Variants in CMIP observed in about 807,000 individuals in gnomAD.
CMIP encodes c-Maf inducing protein.
In CMIP, 13 loss-of-function variants were observed where a neutral mutation model predicts 97.3. The observed-to-expected ratio is 0.13, with a 90% CI of 0.09 to 0.21. CMIP has a LOEUF of 0.21. Ranked by LOEUF, CMIP falls within the 10% of genes least tolerant of loss-of-function variation. The probability of loss-of-function intolerance (pLI) is 1.00; values close to 1 mark genes in which losing one functional copy is unlikely to be tolerated. For missense variants in CMIP, 847 were observed against 1,024.9 expected (o/e 0.83, Z 2.37); for synonymous variants, 538 against 436.3 (o/e 1.23, Z -2.91).
At position 81,621,217 on chromosome 16, in the gene CMIP, C is replaced by A; in HGVS notation, c.477+291C>A. 1 of 278,444 alleles carries A rather than the reference C, an allele frequency of 3.6e-6. No homozygotes were observed. Among genetic ancestry groups the A allele is most frequent in the Admixed American group, 4.7e-5 (1 of 21,128 alleles). The allele number at this position is 278,444 out of a possible 1,614,324, so 17.2% of individuals were successfully genotyped here. On this transcript the variant is annotated intron_variant, in intron 3 of 20. Coordinates refer to ENST00000537098, the MANE Select transcript of CMIP (RefSeq NM_198390.3). The surrounding 1 kb of genome is among the most constrained non-coding windows in gnomAD (Gnocchi z 4.1). ...TGCTTGCTCTCAGAGTGAGGGCGAC[C>A]CTGAGGGGAGTCCAGCCGGGGAGGC...
rs558003345 is a variant in CMIP, at chr16:81,478,113, T to TC, written c.300+32579dup. Among the ~76,000 whole-genome samples the TC allele has an allele frequency of 6.8e-4, 103 of 152,004 alleles. 1 individual carries two copies. Among genetic ancestry groups the TC allele is most frequent in the East Asian group, 2.9e-3 (15 of 5,176 alleles). On this transcript the variant is annotated intron_variant, in intron 1 of 20. Transcript: ENST00000537098. ...CGCTAGCCATCTCTGCCACTGCCCT[T>TC]CCCCCCCACCCCAGAAAGTATCCCA...
At chr16:81,663,833 C>G (rs543739802) in intron 6 of CMIP, among the ~76,000 whole-genome samples, 125 of 152,238 alleles carry the variant, frequency 8.2e-4, no homozygotes, top group South Asian at 4.4e-3. Context: ...CCAGGGAGTC[C>G]TCTGTGTGTG....
intron 1 of CMIP, among the ~76,000 whole-genome samples, chr16:81,478,393 C>T (rs866804221): frequency 6.6e-4 from 100 of 152,248 alleles, no homozygotes; most frequent in African/African-American, 2.3e-3. Context: ...GAGATTTTGG[C>T]GTCCTGTATG....
chr16:81,570,476 A>C (rs1232745854), intron 1 of CMIP, among the ~76,000 whole-genome samples: 1 of 152,116 alleles, frequency 6.6e-6, no homozygotes, highest in Non-Finnish European at 1.5e-5. Flanking sequence ...TTTAGTCTAT[A>C]AAATGTGCTA....
intron 3 of CMIP, among the ~76,000 whole-genome samples, chr16:81,645,153 G>A (rs1415923735): frequency 6.6e-6 from 1 of 152,262 alleles, no homozygotes; most frequent in African/African-American, 2.4e-5. Context: ...ATGAAGTTCA[G>A]TGTGCGTAGC....
At chr16:81,643,770 C>T (rs536798433) in intron 3 of CMIP, among the ~76,000 whole-genome samples, 10 of 151,946 alleles carry the variant, frequency 6.6e-5, no homozygotes, top group African/African-American at 2.2e-4. Context: ...GGTGACAGAG[C>T]GAGACTCTGT....
At chr16:81,504,641 C>CAAAAAAAAAAAAAAAA (rs149715666) in intron 1 of CMIP, among the ~76,000 whole-genome samples, 1 of 71,986 alleles carries the variant, frequency 1.4e-5, no homozygotes, top group African/African-American at 6.7e-5. Flanking sequence ...AGACTCGTCT[C>CAAAAAAAAAAAAAAAA]AAAAAAAAAA....
intron 1 of CMIP, among the ~76,000 whole-genome samples, chr16:81,535,057 T>A (rs972980372): frequency 1.2e-4 from 18 of 152,256 alleles, no homozygotes; most frequent in Non-Finnish European, 1.8e-4. Context: ...TTCATGCCAT[T>A]CTCCTGCCTC....
chr16:81,601,135 T>G (rs1475084823), intron 1 of CMIP, among the ~76,000 whole-genome samples: 1 of 152,156 alleles, frequency 6.6e-6, no homozygotes, highest in Admixed American at 6.5e-5. Flanking sequence ...CAGCTGCTGT[T>G]TTCAACCCCA....
Position 81,473,991 on chromosome 16 carries a change from G to A in CMIP, c.300+28450G>A, listed in dbSNP as rs9934867. Among the ~76,000 whole-genome samples, 471 of 152,098 alleles carry A rather than the reference G, an allele frequency of 3.1e-3. 3 individuals carry two copies. Among genetic ancestry groups the A allele is most frequent in the African/African-American group, 0.011 (441 of 41,472 alleles). ...GACGACTCCCATCCCTTTGCTCCTG[G>A]GATCCCCAGACAGTTCCGAGGTGGT... On this transcript the variant is annotated intron_variant, in intron 1 of 20. Transcript: ENST00000537098.
At chr16:81,706,514 C>T (rs528892653) in intron 19 of CMIP, among the ~76,000 whole-genome samples, 1 of 152,350 alleles carries the variant, frequency 6.6e-6, no homozygotes, top group South Asian at 2.1e-4. Context: ...TCCTCATCAA[C>T]AGCACAGATT....
At chr16:81,586,288 A>G (rs1196659765) in intron 1 of CMIP, among the ~76,000 whole-genome samples, 1 of 152,130 alleles carries the variant, frequency 6.6e-6, no homozygotes, top group African/African-American at 2.4e-5. Context: ...TTGATAACAC[A>G]GTTTACTGTA....
At chr16:81,646,431 GT>G (rs1426004028) in intron 3 of CMIP, among the ~76,000 whole-genome samples, 2 of 152,164 alleles carry the variant, frequency 1.3e-5, no homozygotes, top group South Asian at 2.1e-4. Context: ...ACTACCTTTG[GT>G]TTTGTCTGAT....
intron 1 of CMIP, among the ~76,000 whole-genome samples, chr16:81,469,286 G>A (rs537786037): frequency 6.6e-6 from 1 of 152,354 alleles, no homozygotes; most frequent in Admixed American, 6.5e-5. Flanking sequence ...AATCAAAACA[G>A]CATGTTGGAA....
intron 1 of CMIP, among the ~76,000 whole-genome samples, chr16:81,595,941 A>G (rs1261355544): frequency 3.3e-5 from 5 of 152,178 alleles, no homozygotes; most frequent in Admixed American, 3.3e-4. Context: ...TTTTCGAAGA[A>G]CTACCAAACT....
At chr16:81,538,000 C>A (rs1230616125) in intron 1 of CMIP, among the ~76,000 whole-genome samples, 1 of 152,254 alleles carries the variant, frequency 6.6e-6, no homozygotes, top group African/African-American at 2.4e-5. Flanking sequence ...CAATAACAAT[C>A]ATCGTTTCCA....
At chr16:81,659,657 G>A (rs953724776) in intron 5 of CMIP, among the ~76,000 whole-genome samples, 1 of 152,224 alleles carries the variant, frequency 6.6e-6, no homozygotes, top group Non-Finnish European at 1.5e-5. Context: ...GTGCCTGGAA[G>A]CCCTGGATGG....
chr16:81,660,785 A>T, intron 5 of CMIP, 99 bp from the exon 6 acceptor site: 2 of 1,280,118 alleles, frequency 1.6e-6, no homozygotes, highest in Non-Finnish European at 1.1e-6. Context: ...GTTGCTCTGC[A>T]TTTATTTTTT....
chr16:81,484,180 A>C (rs1490784292), intron 1 of CMIP, among the ~76,000 whole-genome samples: 1 of 151,970 alleles, frequency 6.6e-6, no homozygotes, highest in Non-Finnish European at 1.5e-5. Context: ...GGGGCCCACC[A>C]GGTGGAAGTC....
Sources: gnomAD v4.1 joint callset for allele counts (sites outside exome capture counted in the v4.1 genomes callset) on GRCh38, gnomAD v4.1.1 for gene constraint, Gnocchi (gnomAD v3.1) non-coding constraint, MANE v1.5 for transcripts, NCBI Gene and HGNC (gene_info 2026-07-23, HGNC 2026-07-21) for gene names.